VAC14: variants seen among roughly 807,000 people sequenced by gnomAD.
VAC14 encodes VAC14 component of PIKFYVE complex.
VAC14 carries 47 observed loss-of-function variants against 85.3 expected under a neutral mutation model. The ratio of observed to expected loss-of-function variants is 0.55; its 90% CI spans 0.44 to 0.70. VAC14 has a LOEUF of 0.70. Ranked by LOEUF, VAC14 falls within the 30% of genes least tolerant of loss-of-function variation. The pLI, the probability that VAC14 is intolerant of heterozygous loss-of-function variation, is 0.00. For synonymous variants in VAC14, 447 were observed against 430.5 expected (o/e 1.04, Z -0.47); for missense variants, 861 against 1,004.3 (o/e 0.86, Z 1.93).
chr16:70,778,412 T>G (rs1028063842), intron 9 of VAC14: 1 of 152,096 alleles, frequency 6.6e-6, no homozygotes, highest in South Asian at 2.1e-4. Context: ...TTTAGAGGAA[T>G]AGGCACTGAC....
At chr16:70,757,667 A>C (rs1273734206) in intron 12 of VAC14, among the ~76,000 whole-genome samples, 1 of 152,206 alleles carries the variant, frequency 6.6e-6, no homozygotes, top group Non-Finnish European at 1.5e-5. Context: ...GCTGAAGCAG[A>C]AGCAGGGAGG....
intron 14 of VAC14, among the ~76,000 whole-genome samples, chr16:70,706,878 T>C (rs550907368): frequency 2.2e-4 from 33 of 152,226 alleles, no homozygotes; most frequent in Admixed American, 7.8e-4. Context: ...CCCCAGTACT[T>C]TCCTAGGAGA....
intron 17 of VAC14, among the ~76,000 whole-genome samples, chr16:70,694,978 C>T (rs776263575): frequency 2.6e-5 from 4 of 152,242 alleles, no homozygotes; most frequent in Non-Finnish European, 4.4e-5. Context: ...TATCAGCCTT[C>T]AAGGGGGTTC....
At chr16:70,690,529 A>C (rs4985560) in intron 18 of VAC14, 506,068 of 985,368 alleles carry the variant, frequency 0.51, 131,249 homozygotes, top group Non-Finnish European at 0.53. Flanking sequence ...GGAGACAGTC[A>C]CTGGGGAGTG....
chr16:70,780,167 G>A (rs1177804945), intron 9 of VAC14, among the ~76,000 whole-genome samples: 2 of 151,998 alleles, frequency 1.3e-5, no homozygotes, highest in African/African-American at 4.8e-5. Flanking sequence ...TTATAATGCA[G>A]TTTTCTTTAC....
chr16:70,763,258 G>A (rs1567581383), intron 10 of VAC14, among the ~76,000 whole-genome samples: 1 of 152,234 alleles, frequency 6.6e-6, no homozygotes, highest in Non-Finnish European at 1.5e-5. Flanking sequence ...CCTTTCCAAA[G>A]AAGTTTGGAG....
Position 70,745,453 on chromosome 16 carries a change from C to T in VAC14, c.1372-874G>A, listed in dbSNP as rs530731533. 1.5e-3 allele frequency among the ~76,000 whole-genome samples: 228 copies of T among 152,064 alleles called. 2 individuals carry two copies. The highest frequency in any genetic ancestry group is 5.3e-3 in the African/African-American group (221 of 41,464). On this transcript the variant is annotated intron_variant, in intron 12 of 18. Transcript: ENST00000261776. ...TGCAATGGGCAATAGGGAGAGGGGCCACGGACCTGCCCTGTTGGGAGGGGC... is the reference window on the plus strand; with the variant it reads ...TGCAATGGGCAATAGGGAGAGGGGCTACGGACCTGCCCTGTTGGGAGGGGC...
chr16:70,784,432 C>T (rs975864613), intron 4 of VAC14, among the ~76,000 whole-genome samples: 1 of 152,016 alleles, frequency 6.6e-6, no homozygotes, highest in African/African-American at 2.4e-5. Flanking sequence ...GAAGCAAAGT[C>T]GAGAGAACCA....
intron 13 of VAC14, among the ~76,000 whole-genome samples, chr16:70,734,295 C>T (rs1012229164): frequency 6.6e-6 from 1 of 152,098 alleles, no homozygotes; most frequent in African/African-American, 2.4e-5. Flanking sequence ...TGTGCCATCA[C>T]ACCCAGCTAA....
intron 13 of VAC14, among the ~76,000 whole-genome samples, chr16:70,734,090 G>C (rs964253506): frequency 1.3e-5 from 2 of 152,156 alleles, no homozygotes; most frequent in African/African-American, 2.4e-5. Flanking sequence ...CCAAAGTGCT[G>C]GGATTACAAG....
chr16:70,691,237 G>A (rs1363812956), intron 18 of VAC14: 2 of 985,338 alleles, frequency 2.0e-6, no homozygotes, highest in Admixed American at 1.2e-4. Flanking sequence ...AGCACTCGGA[G>A]ACCCGGGAGA....
chr16:70,762,748 C>T lies in VAC14; in HGVS notation c.1305+133G>A. ...CCGACACAATGAGGGCTCCTCGCAG[C>T]ACCTGTCACTTCTCTGCCGGCCAGG... On this transcript the variant is annotated intron_variant, in intron 11 of 18. Transcript: ENST00000261776. The surrounding 1 kb of genome is among the most constrained non-coding windows in gnomAD (Gnocchi z 4.1). 1 of 1,509,644 alleles carries T rather than the reference C, an allele frequency of 6.6e-7. No individual in the cohort carries two copies. The allele number at this position is 1,509,644 out of a possible 1,614,324, so 93.5% of individuals were successfully genotyped here.
chr16:70,709,454 C>G (rs1311084818), intron 14 of VAC14, among the ~76,000 whole-genome samples: 1 of 152,238 alleles, frequency 6.6e-6, no homozygotes, highest in Non-Finnish European at 1.5e-5. Flanking sequence ...CTGTAGCCAG[C>G]TCCTTTTACC....
chr16:70,710,662 T>C (rs1272702167), intron 14 of VAC14, among the ~76,000 whole-genome samples: 1 of 152,230 alleles, frequency 6.6e-6, no homozygotes, highest in East Asian at 1.9e-4. Flanking sequence ...AGTTTACAGA[T>C]GGTGAGCCTC....
At chr16:70,777,174 A>G (rs1468845537) in intron 9 of VAC14, among the ~76,000 whole-genome samples, 1 of 151,822 alleles carries the variant, frequency 6.6e-6, no homozygotes, top group Admixed American at 6.6e-5. Flanking sequence ...CGAACTCTTG[A>G]CCTCAAATGA....
intron 14 of VAC14, among the ~76,000 whole-genome samples, chr16:70,713,258 G>A (rs909447124): frequency 6.6e-6 from 1 of 152,172 alleles, no homozygotes; most frequent in Non-Finnish European, 1.5e-5. Context: ...CAATGGAGAC[G>A]AAGCCCCCAT....
intron 9 of VAC14, 81 bp downstream of exon 9, chr16:70,780,705 AAGTG>A: frequency 1.8e-5 from 26 of 1,485,544 alleles, no homozygotes; most frequent in Non-Finnish European, 2.3e-5. Flanking sequence ...CTGGTTGCTT[AAGTG>A]AGGCCCCAAG....
At chr16:70,788,060 C>G (rs2034151434) in intron 1 of VAC14, among the ~76,000 whole-genome samples, 1 of 152,238 alleles carries the variant, frequency 6.6e-6, no homozygotes, top group African/African-American at 2.4e-5. Flanking sequence ...TGGCAGGTAT[C>G]TTGCTCACCT....
intron 10 of VAC14, chr16:70,768,281 G>A (rs1376643447): frequency 6.4e-6 from 1 of 156,272 alleles, no homozygotes; most frequent in East Asian, 1.9e-4. Flanking sequence ...TGAGGCGGGG[G>A]AAATCACGCT....
Sources: gnomAD v4.1 joint callset for allele counts (sites outside exome capture counted in the v4.1 genomes callset) on GRCh38, gnomAD v4.1.1 for gene constraint, Gnocchi (gnomAD v3.1) non-coding constraint, MANE v1.5 for transcripts, NCBI Gene and HGNC (gene_info 2026-07-23, HGNC 2026-07-21) for gene names.